The following TNFAIP8 variants were observed in gnomAD, a reference collection of about 807,000 sequenced individuals.
TNFAIP8 encodes the protein TNF alpha induced protein 8.
TNFAIP8 carries 7 observed loss-of-function variants against 13.3 expected under a neutral mutation model. The ratio of observed to expected loss-of-function variants is 0.52; its 90% CI spans 0.30 to 0.99. The LOEUF (loss-of-function observed/expected upper bound fraction) is 0.99. Among genes scored for constraint, TNFAIP8 ranks in the 50% least tolerant of loss-of-function variants. The pLI is 0.07. For missense variants in TNFAIP8, 258 were observed against 236.9 expected (o/e 1.09, Z -0.58); for synonymous variants, 94 against 87.6 (o/e 1.07, Z -0.41).
At chr5:119,308,124 C>T (rs1379127106) in intron 1 of TNFAIP8, among the ~76,000 whole-genome samples, 2 of 152,068 alleles carry the variant, frequency 1.3e-5, no homozygotes, top group East Asian at 3.8e-4. Context: ...CACCTCTTGC[C>T]CAACTGATAA....
At chr5:119,375,442 CAACTACTTAT>C (rs890021372) in intron 1 of TNFAIP8, among the ~76,000 whole-genome samples, 2 of 152,138 alleles carry the variant, frequency 1.3e-5, no homozygotes, top group African/African-American at 4.8e-5. Flanking sequence ...TTTTATTTTG[CAACTACTTAT>C]AACATTGATT....
At chr5:119,298,906 T>C (rs1749269861) in intron 1 of TNFAIP8, among the ~76,000 whole-genome samples, 1 of 152,256 alleles carries the variant, frequency 6.6e-6, no homozygotes, top group Admixed American at 6.5e-5. Context: ...CATCGGCTCC[T>C]GAGGCTTCTG....
chr5:119,363,938 A>C (rs185571325), intron 1 of TNFAIP8, among the ~76,000 whole-genome samples: 1 of 152,324 alleles, frequency 6.6e-6, no homozygotes, highest in East Asian at 1.9e-4. Flanking sequence ...AACTCAGGGA[A>C]ACATTTACTG....
At chr5:119,337,469 A>G (rs1750592041) in intron 1 of TNFAIP8, among the ~76,000 whole-genome samples, 1 of 152,176 alleles carries the variant, frequency 6.6e-6, no homozygotes, top group Admixed American at 6.5e-5. Context: ...TTCTATTTTT[A>G]GGAGAGTGGT....
rs780788996 is a variant in TNFAIP8, at chr5:119,356,105, A to C, written c.15A>C (p.Ala5=). 1 of 1,587,948 alleles carries C rather than the reference A, an allele frequency of 6.3e-7. No individual in the cohort carries two copies. Among genetic ancestry groups the C allele is most frequent in the South Asian group, 1.1e-5 (1 of 87,962 alleles). Residue 5 remains alanine (A), a synonymous_variant, in exon 1 of 2, where the codon GCA becomes GCC. Coordinates refer to ENST00000504771, the MANE Select transcript of TNFAIP8 (RefSeq NM_014350.4). ...ATCCTGACATTATGCACTCCGAAGC[A>C]GAAGAATCCAAGGAAGGTAGGATTC... MHSE[A]EESKEVATDV... is the part of the protein sequence containing the mutation.
At chr5:119,297,475 T>C (rs1338290289) in intron 1 of TNFAIP8, among the ~76,000 whole-genome samples, 1 of 152,188 alleles carries the variant, frequency 6.6e-6, no homozygotes, top group Non-Finnish European at 1.5e-5. Flanking sequence ...GAGAGACAGT[T>C]TGTTATAATT....
intron 1 of TNFAIP8, among the ~76,000 whole-genome samples, chr5:119,387,149 A>G (rs1043409295): frequency 6.6e-6 from 1 of 152,138 alleles, no homozygotes; most frequent in Admixed American, 6.6e-5. Flanking sequence ...CCAAATCTCC[A>G]TGTAGGGAGG....
intron 1 of TNFAIP8, among the ~76,000 whole-genome samples, chr5:119,269,781 C>T (rs748847986): frequency 3.3e-5 from 5 of 152,122 alleles, no homozygotes; most frequent in African/African-American, 4.8e-5. Context: ...TAATTCCATC[C>T]CTACATAATT....
At chr5:119,343,973 CTATG>C (rs1020182916) in intron 1 of TNFAIP8, among the ~76,000 whole-genome samples, 53 of 152,208 alleles carry the variant, frequency 3.5e-4, no homozygotes, top group African/African-American at 1.3e-3. Flanking sequence ...CCACTCATAT[CTATG>C]TGTGTGTGGG....
chr5:119,345,567 A>G (rs999490238), intron 1 of TNFAIP8, among the ~76,000 whole-genome samples: 1 of 152,250 alleles, frequency 6.6e-6, no homozygotes, highest in African/African-American at 2.4e-5. Context: ...TACCATGTGG[A>G]TGAATCTTGA....
At chr5:119,300,408 A>G (rs972075239) in intron 1 of TNFAIP8, among the ~76,000 whole-genome samples, 1 of 152,244 alleles carries the variant, frequency 6.6e-6, no homozygotes, top group South Asian at 2.1e-4. Flanking sequence ...TTACAGGAGA[A>G]TCTTCAATCT....
chr5:119,351,796 C>T (rs6888745), upstream of TNFAIP8, among the ~76,000 whole-genome samples: 42,627 of 126,944 alleles, frequency 0.34, 8,484 homozygotes, highest in African/African-American at 0.59. Flanking sequence ...TTCTTTTTTT[C>T]TTTTTTTTTT....
At position 119,396,189 on chromosome 5, in the gene TNFAIP8, G is replaced by C. The variant is rs1309870977; in HGVS notation, c.*2808G>C. ...ATGATATGGCTAAAGGCAGTGCTAG[G>C]AACATCTTTGGCTCAGAGAAGCGTG... On this transcript the variant is annotated 3_prime_UTR_variant, in exon 2 of 2. Coordinates refer to ENST00000504771, the MANE Select transcript of TNFAIP8 (RefSeq NM_014350.4). 6.6e-6 allele frequency: 1 copy of C among 152,194 alleles called. No homozygotes were observed. The highest frequency in any genetic ancestry group is 1.5e-5 in the Non-Finnish European group (1 of 68,028). 9.4% of individuals were successfully genotyped at this position (152,194 alleles called of 1,614,324 possible).
Position 119,392,802 on chromosome 5 carries a change from T to G in TNFAIP8, c.32-14T>G. ...CTAATTGTTAATTCTTTTCCTCTCTTTTTTTTTTTTTAGTGGCCACAGATG... is the reference window on the plus strand; with the variant it reads ...CTAATTGTTAATTCTTTTCCTCTCTGTTTTTTTTTTTAGTGGCCACAGATG... On this transcript the variant is annotated splice_polypyrimidine_tract_variant and intron_variant, in intron 1 of 1. Transcript: ENST00000504771. 2 of 834,038 alleles carry G rather than the reference T, an allele frequency of 2.4e-6. No homozygotes were observed. The highest frequency in any genetic ancestry group is 5.3e-5 in the South Asian group (2 of 37,512). The allele number at this position is 834,038 out of a possible 1,614,324, so 51.7% of individuals were successfully genotyped here. A position where few individuals can be genotyped will look rare whatever the true frequency, so the allele number is the denominator to read the frequency against.
chr5:119,384,933 A>G (rs1752616105), intron 1 of TNFAIP8, among the ~76,000 whole-genome samples: 1 of 152,246 alleles, frequency 6.6e-6, no homozygotes, highest in South Asian at 2.1e-4. Flanking sequence ...CAAAATCGTC[A>G]TAAAACTAAG....
chr5:119,340,421 G>A (rs1309412776), intron 1 of TNFAIP8, among the ~76,000 whole-genome samples: 2 of 152,194 alleles, frequency 1.3e-5, no homozygotes, highest in Non-Finnish European at 2.9e-5. Context: ...CCCTGCTCCC[G>A]GGAGGCTGGT....
intron 1 of TNFAIP8, among the ~76,000 whole-genome samples, chr5:119,341,148 T>C (rs183649940): frequency 3.9e-5 from 6 of 151,964 alleles, no homozygotes; most frequent in East Asian, 1.9e-4. Flanking sequence ...TGGTTTATCG[T>C]TTTTTAGTGA....
At position 119,283,474 on chromosome 5, in the gene TNFAIP8, A is replaced by T. The variant is rs1462258821; in HGVS notation, c.1+14567A>T. 3.9e-5 allele frequency among the ~76,000 whole-genome samples: 6 copies of T among 152,054 alleles called. No individual in the cohort carries two copies. In the East Asian group the frequency reaches 5.8e-4, roughly 15 times the overall value. Reference sequence around the variant, plus strand: ...TAGCAAGACCCTGTTTGTATTAATTAAAAAAAAGTAATGGAATAATGGTTC... The same window carrying T: ...TAGCAAGACCCTGTTTGTATTAATTTAAAAAAAGTAATGGAATAATGGTTC... On this transcript the variant is annotated intron_variant, in intron 1 of 1. Transcript: ENST00000274456.
intron 1 of TNFAIP8, among the ~76,000 whole-genome samples, chr5:119,345,713 A>G (rs1238399370): frequency 6.6e-6 from 1 of 152,220 alleles, no homozygotes; most frequent in Non-Finnish European, 1.5e-5. Context: ...GGAGCAGAGA[A>G]TGGCGAATTA....
Sources: gnomAD v4.1 joint callset for allele counts (sites outside exome capture counted in the v4.1 genomes callset) on GRCh38, gnomAD v4.1.1 for gene constraint, MANE v1.5 for transcripts, NCBI Gene and HGNC (gene_info 2026-07-23, HGNC 2026-07-21) for gene names.